The following MFSD8 variants were observed in gnomAD, a reference collection of about 807,000 sequenced individuals.
The protein encoded by MFSD8 is major facilitator superfamily domain containing 8, also known as major facilitator superfamily domain-containing protein 8.
In MFSD8, 55 loss-of-function variants were observed where a neutral mutation model predicts 66.4. The ratio of observed to expected loss-of-function variants is 0.83; its 90% CI spans 0.67 to 1.04. The LOEUF (loss-of-function observed/expected upper bound fraction) is 1.04. MFSD8 is among the 50% of genes least tolerant of loss of function. The pLI is 0.00. For missense variants in MFSD8, 550 were observed against 627.6 expected (o/e 0.88, Z 1.32); for synonymous variants, 202 against 212.8 (o/e 0.95, Z 0.44).
rs1314690167 is a variant in MFSD8, at chr4:127,921,751, G to A, written c.1123C>T (p.Pro375Ser). Residue 375 changes from proline (P) to serine (S), a missense_variant, in exon 11 of 12, where the codon CCT becomes TCT. Pro to Ser is a moderately conservative substitution (Grantham distance 74). Transcript: ENST00000641686. ...QWEDLHNNSI[P>S]NTTFGEIIIG... ...ATAATTTCCCCAAATGTGGTATTAG[G>A]GATTGAATTATTGTGCAAATCTGTA... 2 of 1,613,950 alleles carry A rather than the reference G, an allele frequency of 1.2e-6. No homozygotes were observed. The highest frequency in any genetic ancestry group is 2.2e-5 in the South Asian group (2 of 91,084).
intron 8 of MFSD8, among the ~76,000 whole-genome samples, chr4:127,931,988 G>A (rs1227195788): frequency 6.6e-6 from 1 of 152,142 alleles, no homozygotes; most frequent in Admixed American, 6.5e-5. Flanking sequence ...GCGCATGCCT[G>A]TGGTCCCAGC....
intron 9 of MFSD8, among the ~76,000 whole-genome samples, chr4:127,927,365 G>A (rs1036504458): frequency 6.6e-6 from 1 of 152,018 alleles, no homozygotes; most frequent in Non-Finnish European, 1.5e-5. Flanking sequence ...TAGTTACGAC[G>A]GGGTTTCACC....
At chr4:127,925,804 G>C (rs942510655) in intron 9 of MFSD8, among the ~76,000 whole-genome samples, 2 of 152,154 alleles carry the variant, frequency 1.3e-5, no homozygotes, top group African/African-American at 4.8e-5. Flanking sequence ...GTTTATTACA[G>C]CACTATTCAC....
chr4:127,943,217 C>CA (rs770669550), intron 4 of MFSD8, among the ~76,000 whole-genome samples: 208 of 109,922 alleles, frequency 1.9e-3, no homozygotes, highest in Middle Eastern at 4.7e-3. Context: ...GACTCCGTTT[C>CA]AAAAAAAAAA....
At chr4:127,954,507 C>T (rs1336903846) in intron 2 of MFSD8, among the ~76,000 whole-genome samples, 3 of 152,028 alleles carry the variant, frequency 2.0e-5, no homozygotes, top group Non-Finnish European at 4.4e-5. Flanking sequence ...TCCCAGCTAC[C>T]AGGGAGGCTG....
In MFSD8 at chr4:127,956,225, G is replaced by T. The variant is rs375393581; in HGVS notation, c.154+1276C>A. ...TGGCTGTAAAGATGAAATACTTTTG[G>T]CCAGGTGCGGTGGCTCAGGCCTGTA... On this transcript the variant is annotated intron_variant, in intron 2 of 11. Coordinates refer to ENST00000641686, the MANE Select transcript of MFSD8 (RefSeq NM_001371596.2). 1.2e-4 allele frequency among the ~76,000 whole-genome samples: 19 copies of T among 152,048 alleles called. 1 individual carries two copies. The South Asian group carries it at 3.9e-3, about 32-fold the overall frequency.
intron 6 of MFSD8, chr4:127,939,621 A>C (rs1739781088): frequency 9.3e-6 from 3 of 321,012 alleles, no homozygotes; most frequent in East Asian, 6.4e-5. Flanking sequence ...AAAAAAAAAA[A>C]AAAAAAAAAA....
rs1288349006 is a variant in MFSD8 at position 127,920,842 on chromosome 4, G to A, written c.1351-6C>T. On this transcript the variant is annotated splice_region_variant and splice_polypyrimidine_tract_variant and intron_variant, in intron 11 of 11. Transcript: ENST00000641686. ...AACCAGCCCATGTATACACCCTGTTGGGGGTGAAATGGAGGACAAGCAGAT... is the reference window on the plus strand; with the variant it reads ...AACCAGCCCATGTATACACCCTGTTAGGGGTGAAATGGAGGACAAGCAGAT... The A allele has an allele frequency of 1.2e-6, 2 of 1,612,796 alleles. No individual in the cohort carries two copies.
chr4:127,921,411 T>A (rs1736318856), intron 11 of MFSD8, 113 bp downstream of exon 11: 1 of 1,545,006 alleles, frequency 6.5e-7, no homozygotes, highest in Non-Finnish European at 8.9e-7. Flanking sequence ...AAATGCTGAA[T>A]ATGATAAAAA....
chr4:127,939,484 T>C (rs1739736666), intron 6 of MFSD8: 1 of 180,686 alleles, frequency 5.5e-6, no homozygotes, highest in Non-Finnish European at 1.1e-5. Context: ...CATGCACCTG[T>C]AGCCCCAGCT....
At chr4:127,958,243 G>A (rs1743204067) in intron 1 of MFSD8, among the ~76,000 whole-genome samples, 1 of 152,160 alleles carries the variant, frequency 6.6e-6, no homozygotes, top group South Asian at 2.1e-4. Flanking sequence ...TGTATACTAA[G>A]TAGATATCTT....
In MFSD8 at chr4:127,921,925, AC is replaced by A. The variant is rs1439582451; in HGVS notation, c.1036del (p.Val346LeufsTer68). The A allele has an allele frequency of 5.0e-6, 8 of 1,614,206 alleles. No homozygotes were observed. Among genetic ancestry groups the A allele is most frequent in the Non-Finnish European group, 6.8e-6 (8 of 1,180,024 alleles). On this transcript the variant is annotated frameshift_variant, in exon 10 of 12. Transcript: ENST00000641686. LOFTEE classifies it high-confidence loss of function. ...CAAGATAAAGAAGCCAACCCATACA[AC>A]GATGAGTCCTCCCAGTAGAATAGCA... is the stretch of plus-strand genomic sequence containing the variant. ...ERAILLGGLIVVWVGFFILLP... is the reference protein window; with the variant it reads ...ERAILLGGLIXVWVGFFILLP...
chr4:127,933,663 T>C (rs1738544381), intron 7 of MFSD8: 1 of 152,716 alleles, frequency 6.5e-6, no homozygotes, highest in Non-Finnish European at 1.5e-5. Context: ...CAGATGTATT[T>C]TGTACTTGGT....
intron 3 of MFSD8, among the ~76,000 whole-genome samples, chr4:127,944,621 T>C (rs1052093711): frequency 1.3e-5 from 2 of 152,014 alleles, no homozygotes; most frequent in Non-Finnish European, 2.9e-5. Flanking sequence ...TTCAGAAAAA[T>C]AGAAAATGTT....
chr4:127,960,216 C>A (rs1743515277), intron 1 of MFSD8, among the ~76,000 whole-genome samples: 1 of 152,124 alleles, frequency 6.6e-6, no homozygotes, highest in Non-Finnish European at 1.5e-5. Context: ...GTGAACTGAT[C>A]AGCAAAATGA....
rs587781037 is a variant in MFSD8 at position 127,957,502 on chromosome 4, T to G, written c.153A>C (p.Val51=). ...AAATTATGTATTTCTAATACTTACC[T>G]ACACTGCTGAGAAACATAGTAAGAT... ...ILYLTMFLSS[V]GFSVVMMSIW... is the part of the protein sequence containing the mutation. Residue 51 remains valine, a splice_region_variant and synonymous_variant, in exon 2 of 12, where the codon GTA becomes GTC. Coordinates refer to ENST00000641686, the MANE Select transcript of MFSD8 (RefSeq NM_001371596.2). The G allele has an allele frequency of 6.3e-7, 1 of 1,591,936 alleles. No homozygotes were observed.
chr4:127,951,268 C>T (rs907824742), intron 2 of MFSD8, among the ~76,000 whole-genome samples: 8 of 152,012 alleles, frequency 5.3e-5, no homozygotes, highest in South Asian at 2.1e-4. Flanking sequence ...AGTTTCTTGT[C>T]GCCCAGGCTG....
chr4:127,961,065 G>T (rs1265448781), intron 1 of MFSD8, among the ~76,000 whole-genome samples: 1 of 152,092 alleles, frequency 6.6e-6, no homozygotes, highest in Non-Finnish European at 1.5e-5. Context: ...CATAGAGGGG[G>T]TCAGTGGGGA....
At chr4:127,922,677 G>C (rs756745724) in intron 9 of MFSD8, among the ~76,000 whole-genome samples, 12 of 151,464 alleles carry the variant, frequency 7.9e-5, no homozygotes, top group Non-Finnish European at 1.5e-4. Context: ...TTAAAATAAA[G>C]TACTCTTTGG....
Sources: allele counts gnomAD v4.1 joint callset (sites outside exome capture counted in the v4.1 genomes callset), GRCh38; gene constraint gnomAD v4.1.1; transcripts MANE v1.5; gene names NCBI Gene and HGNC (gene_info 2026-07-23, HGNC 2026-07-21).